ABCC6: variants seen among roughly 807,000 people sequenced by gnomAD.
ABCC6 encodes ATP binding cassette subfamily C member 6, also known as ATP-binding cassette sub-family C member 6.
A neutral mutation model predicts 169.5 loss-of-function variants in ABCC6; 126 were observed. The ratio of observed to expected loss-of-function variants is 0.74; its 90% CI spans 0.64 to 0.86. The LOEUF (loss-of-function observed/expected upper bound fraction) is 0.86. ABCC6 is among the 40% of genes least tolerant of loss of function. The pLI is 0.00. For synonymous variants in ABCC6, 752 were observed against 814.7 expected, an observed-to-expected ratio of 0.92 and a Z score of 1.31; for missense variants, 1,733 against 1,927.2, an observed-to-expected ratio of 0.90 and a Z score of 1.89.
intron 13 of ABCC6, among the ~76,000 whole-genome samples, chr16:16,187,903 TAAATTAA>T (rs1267115675): frequency 0.017 from 1,385 of 82,046 alleles, 7 homozygotes; most frequent in Non-Finnish European, 0.024. Flanking sequence ...TCTCAATAAA[TAAATTAA>T]ATAAATAAAT....
rs1567527666 is a variant in ABCC6 at position 16,201,896 on chromosome 16, T to C, written c.1176+105A>G. ...GAGAATGTATGGTGAGTGACTCTAATAAGCAAGGACTGAATGCGTTCTCAG... is the reference window on the plus strand; with the variant it reads ...GAGAATGTATGGTGAGTGACTCTAACAAGCAAGGACTGAATGCGTTCTCAG... On this transcript the variant is annotated intron_variant, in intron 9 of 30. Coordinates refer to ENST00000205557, the MANE Select transcript of ABCC6 (RefSeq NM_001171.6). The C allele has an allele frequency of 4.7e-6, 6 of 1,275,048 alleles. No individual in the cohort carries two copies. In the Admixed American group the frequency reaches 1.0e-4, roughly 22 times the overall value. 79.0% of individuals were successfully genotyped at this position (1,275,048 alleles called of 1,614,324 possible).
intron 29 of ABCC6, among the ~76,000 whole-genome samples, chr16:16,152,818 T>G (rs1014595000): frequency 1.3e-5 from 2 of 152,086 alleles, no homozygotes; most frequent in Admixed American, 6.6e-5. Context: ...GCCTCTCTAG[T>G]GCTGGAAATT....
At chr16:16,188,256 G>A (rs558879430) in intron 13 of ABCC6, among the ~76,000 whole-genome samples, 3 of 151,780 alleles carry the variant, frequency 2.0e-5, no homozygotes, top group South Asian at 4.2e-4. Flanking sequence ...GCTGGGCATG[G>A]TTGTGCATGC....
chr16:16,153,520 G>A lies in ABCC6; in HGVS notation c.4208+1108C>T, dbSNP rs150623566. Reference sequence around the variant, plus strand: ...GAGAGACAGGAGAATGCTGGTGGCTGGGCGCTGGGGGAGGGGACAAGGAGA... The same window carrying A: ...GAGAGACAGGAGAATGCTGGTGGCTAGGCGCTGGGGGAGGGGACAAGGAGA... On this transcript the variant is annotated intron_variant, in intron 29 of 30. Coordinates refer to ENST00000205557, the MANE Select transcript of ABCC6 (RefSeq NM_001171.6). Among the ~76,000 whole-genome samples the A allele has an allele frequency of 4.1e-3, 625 of 152,228 alleles. 3 individuals carry two copies. The highest frequency in any genetic ancestry group is 0.014 in the African/African-American group (591 of 41,530).
chr16:16,169,815 C>T lies in ABCC6; in HGVS notation c.2826G>A (p.Val942=), dbSNP rs2047001031. ...GTGCGTAGAGGCAGAGGGGGGTGCC[C>T]ACGGCACGCAGGTAGGCCAGGTGCA... ...ATVHLAYLRA[V]GTPLCLYALF... is the part of the protein sequence containing the mutation. The change falls in exon 22 of 31, where the codon GTG becomes GTA. Residue 942 remains valine (V), a synonymous_variant. Transcript: ENST00000205557. 6.4e-7 allele frequency: 1 copy of T among 1,564,064 alleles called. No individual in the cohort carries two copies. Among genetic ancestry groups the T allele is most frequent in the African/African-American group, 1.4e-5 (1 of 73,814 alleles).
intron 6 of ABCC6, among the ~76,000 whole-genome samples, chr16:16,210,674 A>G (rs1160449881): frequency 1.3e-5 from 2 of 152,258 alleles, no homozygotes; most frequent in Non-Finnish European, 2.9e-5. Context: ...AAAAGCATCA[A>G]GAGTGGTCCA....
chr16:16,157,808 G>A lies in ABCC6; in HGVS notation c.3737C>T (p.Ala1246Val), dbSNP rs772108097. 1 of 1,610,040 alleles carries A rather than the reference G, an allele frequency of 6.2e-7. No individual in the cohort carries two copies. The highest frequency in any genetic ancestry group is 8.5e-7 in the Non-Finnish European group (1 of 1,179,472). ...MQDYAWTPKE[A>V]PWRLPTCAAQ... ...TGCACATGTGGGCAGCCTCCAGGGA[G>A]CCTGGAGCAGGAGGGGAAACTGAGT... Residue 1246 changes from alanine to valine, a missense_variant and splice_region_variant, in exon 27 of 31, where the codon GCT (alanine) becomes GTT (valine). Ala to Val is a moderately conservative substitution (Grantham distance 64). Coordinates refer to ENST00000205557, the MANE Select transcript of ABCC6 (RefSeq NM_001171.6).
chr16:16,163,336 C>T, intron 23 of ABCC6, 144 bp from the exon 24 acceptor site: 1 of 748,260 alleles, frequency 1.3e-6, no homozygotes, highest in Admixed American at 2.5e-5. Context: ...AGTTGCTTGC[C>T]CTCTCTGGGT....
In ABCC6 at chr16:16,188,742, C is replaced by T. The variant is rs185609109; in HGVS notation, c.1779+89G>A. 7,610 of 1,509,422 alleles carry T rather than the reference C, an allele frequency of 5.0e-3. 27 individuals are homozygous for T. The highest frequency in any genetic ancestry group is 5.8e-3 in the Non-Finnish European group (6,463 of 1,108,642). 93.5% of individuals were successfully genotyped at this position (1,509,422 alleles called of 1,614,324 possible). A position where few individuals can be genotyped will look rare whatever the true frequency, so the allele number is the denominator to read the frequency against. ...CTCCCTCCCACTCTGTCTTCCCTCT[C>T]CTCTGCAAATGGCAGGGGTAGGGAA... On this transcript the variant is annotated intron_variant, in intron 13 of 30. Transcript: ENST00000205557.
rs60092792 is a variant in ABCC6, at chr16:16,150,802, C to T, written c.4209-30G>A. 248 of 1,609,564 alleles carry T rather than the reference C, an allele frequency of 1.5e-4. No individual in the cohort carries two copies. The African/African-American group carries it at 2.7e-3, about 17-fold the overall frequency. On this transcript the variant is annotated intron_variant, in intron 29 of 30. Transcript: ENST00000205557. ...GAACGATTGGGACAATTAGCTGGGACGTGCGTTTGTCGGCACATGGTGATG... is the reference window on the plus strand; with the variant it reads ...GAACGATTGGGACAATTAGCTGGGATGTGCGTTTGTCGGCACATGGTGATG...
intron 11 of ABCC6, among the ~76,000 whole-genome samples, chr16:16,191,668 C>T (rs893114643): frequency 6.7e-6 from 1 of 148,742 alleles, no homozygotes; most frequent in Non-Finnish European, 1.5e-5. Flanking sequence ...CTCCCTCCCC[C>T]CTTTCTTCCT....
chr16:16,167,328 A>G (rs1350917939), intron 22 of ABCC6, among the ~76,000 whole-genome samples: 2 of 152,232 alleles, frequency 1.3e-5, no homozygotes, highest in Admixed American at 1.3e-4. Flanking sequence ...GCTAAGCTGG[A>G]CAGGAAGCTG....
chr16:16,157,790 G>C lies in ABCC6; in HGVS notation c.3755C>G (p.Thr1252Arg), dbSNP rs143212758. The C allele has an allele frequency of 9.3e-6, 15 of 1,612,676 alleles. No homozygotes were observed. The Middle Eastern group carries it at 4.9e-4, about 53-fold the overall frequency. The change falls in exon 27 of 31, where the codon ACA becomes AGA. Residue 1252 changes from threonine (T) to arginine (R), a missense_variant. Physicochemically the swap from Thr to Arg is moderately conservative, Grantham distance 71 (BLOSUM62 -1). Around this residue, in one of 5 missense-constraint regions of ABCC6, gnomAD observed 1,601 missense variants for 1,635.5 expected, o/e 0.98. Coordinates refer to ENST00000205557, the MANE Select transcript of ABCC6 (RefSeq NM_001171.6). ...TPKEAPWRLP[T>R]CAAQPPWPQG... is the part of the protein sequence containing the mutation. Reference sequence around the variant, plus strand: ...AGGCCAGGGGGGCTGAGCTGCACATGTGGGCAGCCTCCAGGGAGCCTGGAG... The same window carrying C: ...AGGCCAGGGGGGCTGAGCTGCACATCTGGGCAGCCTCCAGGGAGCCTGGAG...
rs1448945325 is a variant in ABCC6, at chr16:16,149,867, C to T, written c.*266G>A. On this transcript the variant is annotated 3_prime_UTR_variant, in exon 31 of 31. Coordinates refer to ENST00000205557, the MANE Select transcript of ABCC6 (RefSeq NM_001171.6). The stretch of plus-strand genomic sequence containing the variant: ...GCCCCCAGGTGAGTCCAGAGTACAG[C>T]GGGGCTGAGAGTCGCTGTTGACATT... The T allele has an allele frequency of 5.3e-6, 3 of 565,990 alleles. No individual in the cohort carries two copies. Among genetic ancestry groups the T allele is most frequent in the East Asian group, 3.1e-5 (1 of 32,148 alleles). The allele number at this position is 565,990 out of a possible 1,614,324, so 35.1% of individuals were successfully genotyped here. A position where few individuals can be genotyped will look rare whatever the true frequency, so the allele number is the denominator to read the frequency against.
chr16:16,196,484 C>G lies in ABCC6; in HGVS notation c.1338+1537G>C, dbSNP rs536285488. On this transcript the variant is annotated intron_variant, in intron 10 of 30. Coordinates refer to ENST00000205557, the MANE Select transcript of ABCC6 (RefSeq NM_001171.6). Reference sequence around the variant, plus strand: ...AATACCTACAGGGTGCAGTTGTGTGCCCGGCACCCTTTTAAGTGCTTTCTA... The same window carrying G: ...AATACCTACAGGGTGCAGTTGTGTGGCCGGCACCCTTTTAAGTGCTTTCTA... Among the ~76,000 whole-genome samples the G allele has an allele frequency of 1.5e-4, 23 of 152,244 alleles. No homozygotes were observed. The South Asian group carries it at 4.4e-3, about 29-fold the overall frequency.
intron 6 of ABCC6, among the ~76,000 whole-genome samples, chr16:16,209,536 A>G (rs4781755): frequency 2.8e-4 from 42 of 152,286 alleles, no homozygotes; most frequent in African/African-American, 8.7e-4. Flanking sequence ...CCTGGGAATC[A>G]GAAGTCCGTT....
intron 13 of ABCC6, 33 bp from the exon 14 acceptor site, chr16:16,187,244 A>G (rs1484153552): frequency 5.7e-6 from 9 of 1,575,004 alleles, no homozygotes; most frequent in Non-Finnish European, 7.8e-6. Flanking sequence ...TCACCCAGCA[A>G]GAAGAGCAAA....
In ABCC6 at chr16:16,221,669, G is replaced by T; in HGVS notation, c.199C>A (p.Pro67Thr). 1 of 1,613,948 alleles carries T rather than the reference G, an allele frequency of 6.2e-7. No homozygotes were observed. ...HHGRGYLRMS[P>T]LFKAKMVLGF... ...GCTACCATCTTGGCTTTGAAGAGTG[G>T]GGACATCCGGAGGTAGCCCCGGCCA... Residue 67 changes from proline to threonine, a missense_variant, in exon 2 of 31, where the codon CCA (proline) becomes ACA (threonine). By Grantham distance (38) the Pro-to-Thr change is conservative. Around this residue, in one of 5 missense-constraint regions of ABCC6, gnomAD observed 66 missense variants for 69.5 expected, o/e 0.95. Coordinates refer to ENST00000205557, the MANE Select transcript of ABCC6 (RefSeq NM_001171.6).
chr16:16,165,975 C>T, intron 22 of ABCC6, 42 bp from the exon 23 acceptor site: 1 of 1,600,532 alleles, frequency 6.2e-7, no homozygotes, highest in Non-Finnish European at 8.5e-7. Flanking sequence ...GCTGGAGACC[C>T]TCAGGAGCGG....
Sources: gnomAD v4.1 joint callset for allele counts (sites outside exome capture counted in the v4.1 genomes callset) on GRCh38, gnomAD v4.1.1 for gene constraint, gnomAD v4.1.1 regional missense constraint, MANE v1.5 for transcripts, NCBI Gene and HGNC (gene_info 2026-07-23, HGNC 2026-07-21) for gene names.